ST3GAL3: variants seen among roughly 807,000 people sequenced by gnomAD.
ST3GAL3 encodes CMP-N-acetylneuraminate-beta-1,4-galactoside alpha-2,3-sialyltransferase.
ST3GAL3 carries 21 observed loss-of-function variants against 50.1 expected under a neutral mutation model. The ratio of observed to expected loss-of-function variants is 0.42; its 90% confidence interval spans 0.30 to 0.60. ST3GAL3 has a LOEUF of 0.60. Among genes scored for constraint, ST3GAL3 ranks in the 20% least tolerant of loss-of-function variants. ST3GAL3 has a pLI of 0.19. For synonymous variants in ST3GAL3, 183 were observed against 190.0 expected (o/e 0.96, Z 0.30); for missense variants, 353 against 489.4 (o/e 0.72, Z 2.63).
At chr1:43,823,658 T>A (rs1050702692) in intron 4 of ST3GAL3, among the ~76,000 whole-genome samples, 1 of 152,218 alleles carries the variant, frequency 6.6e-6, no homozygotes, top group Non-Finnish European at 1.5e-5. Flanking sequence ...TTGTTTATTG[T>A]CTGTCTCCAT....
At chr1:43,814,144 T>G (rs1317332769) in intron 3 of ST3GAL3, among the ~76,000 whole-genome samples, 1 of 152,136 alleles carries the variant, frequency 6.6e-6, no homozygotes, top group African/African-American at 2.4e-5. Flanking sequence ...TGGGGACAGA[T>G]CTGTAATCTT....
chr1:43,736,236 A>T lies in ST3GAL3; in HGVS notation c.-27A>T. 1.2e-6 allele frequency: 2 copies of T among 1,614,104 alleles called. No individual in the cohort carries two copies. The highest frequency in any genetic ancestry group is 1.7e-6 in the Non-Finnish European group (2 of 1,179,964). ...AACTAAACTTTTTCTTTTCTAGGTC[A>T]TTTAGGAAATCGTAAATCATGTGAA... is the stretch of plus-strand genomic sequence containing the variant. On this transcript the variant is annotated 5_prime_UTR_variant, in exon 2 of 12. Transcript: ENST00000347631.
chr1:43,767,295 C>T (rs962484390), intron 2 of ST3GAL3, among the ~76,000 whole-genome samples: 3 of 152,070 alleles, frequency 2.0e-5, no homozygotes, highest in African/African-American at 4.8e-5. Context: ...CAAGGCATGG[C>T]ATGAGTGAAA....
chr1:43,930,272 C>G lies in ST3GAL3; in HGVS notation c.*51C>G, dbSNP rs571047967. 3.7e-5 allele frequency: 57 copies of G among 1,541,148 alleles called. 1 individual carries two copies. In the South Asian group the frequency reaches 6.2e-4, roughly 17 times the overall value. ...GCCCAGGCACCACCAGGAGCAGCAGCCAGCACCACCTACACAGGAGTCTTC... is the reference window on the plus strand; with the variant it reads ...GCCCAGGCACCACCAGGAGCAGCAGGCAGCACCACCTACACAGGAGTCTTC... On this transcript the variant is annotated 3_prime_UTR_variant, in exon 12 of 12. Transcript: ENST00000347631.
chr1:43,888,585 A>G (rs1020640549), intron 5 of ST3GAL3, among the ~76,000 whole-genome samples: 1 of 152,184 alleles, frequency 6.6e-6, no homozygotes, highest in Non-Finnish European at 1.5e-5. Context: ...AGAAGAAAAA[A>G]ACAATACCTA....
chr1:43,870,759 G>A (rs966021936), intron 5 of ST3GAL3, among the ~76,000 whole-genome samples: 1 of 152,102 alleles, frequency 6.6e-6, no homozygotes, highest in Non-Finnish European at 1.5e-5. Context: ...GAAGCTAGGG[G>A]GAGACATGGC....
At chr1:43,904,936 C>T (rs1286757171) in intron 9 of ST3GAL3, among the ~76,000 whole-genome samples, 1 of 410 alleles carries the variant, frequency 2.4e-3, no homozygotes, top group African/African-American at 0.015. Context: ...TCTTCCTCCC[C>T]TTCCTCCTTT....
intron 5 of ST3GAL3, chr1:43,850,859 G>C (rs1041104500): frequency 8.0e-7 from 1 of 1,242,430 alleles, no homozygotes; most frequent in Admixed American, 1.7e-5. Flanking sequence ...GAAGGCCAGG[G>C]AACACAGCAG....
chr1:43,766,716 C>T (rs1693169188), intron 2 of ST3GAL3, among the ~76,000 whole-genome samples: 1 of 152,040 alleles, frequency 6.6e-6, no homozygotes. Flanking sequence ...AGGCTTCTAC[C>T]CTTAATGGAA....
intron 9 of ST3GAL3, chr1:43,919,734 C>T: frequency 6.5e-6 from 1 of 153,862 alleles, no homozygotes; most frequent in Non-Finnish European, 1.4e-5. Context: ...AAGCTGTGCC[C>T]CAGAATGGAC....
intron 5 of ST3GAL3, among the ~76,000 whole-genome samples, chr1:43,876,746 G>A (rs2074188562): frequency 6.6e-6 from 1 of 152,194 alleles, no homozygotes; most frequent in Admixed American, 6.5e-5. Flanking sequence ...CATTGCATGT[G>A]GATGGACGAA....
intron 5 of ST3GAL3, chr1:43,841,378 G>C (rs2065348770): frequency 6.6e-6 from 1 of 152,256 alleles, no homozygotes; most frequent in African/African-American, 2.4e-5. Context: ...GGGAAGCCAA[G>C]CTTTTCCATA....
intron 5 of ST3GAL3, among the ~76,000 whole-genome samples, chr1:43,855,438 C>G (rs1004437135): frequency 1.1e-4 from 17 of 152,176 alleles, no homozygotes; most frequent in African/African-American, 4.1e-4. Flanking sequence ...GGCGAAACCC[C>G]ATTTATACTA....
intron 1 of ST3GAL3, chr1:43,716,503 C>A (rs573796298): frequency 3.9e-5 from 6 of 152,064 alleles, no homozygotes; most frequent in Non-Finnish European, 8.8e-5. Context: ...AAAATTGGAA[C>A]GATACAGAGA....
intron 3 of ST3GAL3, among the ~76,000 whole-genome samples, chr1:43,812,320 C>G (rs1022984900): frequency 2.0e-5 from 3 of 152,198 alleles, no homozygotes; most frequent in African/African-American, 7.2e-5. Flanking sequence ...TGGTGGGAGC[C>G]GCCCTTCAGC....
At chr1:43,767,626 G>T (rs903382809) in intron 2 of ST3GAL3, among the ~76,000 whole-genome samples, 6 of 145,946 alleles carry the variant, frequency 4.1e-5, no homozygotes, top group African/African-American at 1.5e-4. Flanking sequence ...AAAAAATCAT[G>T]GGAAGTAGAA....
Position 43,851,289 on chromosome 1 carries a change from G to C in ST3GAL3, c.302+12978G>C, listed in dbSNP as rs1158651104. On this transcript the variant is annotated intron_variant, in intron 5 of 11. Transcript: ENST00000347631. ...TTCTTCTTGTCTGTCATGAACCCGTGGGTCAGGTGACCCCCATCTGGCAGG... is the reference window on the plus strand; with the variant it reads ...TTCTTCTTGTCTGTCATGAACCCGTCGGTCAGGTGACCCCCATCTGGCAGG... 6 of 1,570,980 alleles carry C rather than the reference G, an allele frequency of 3.8e-6. No homozygotes were observed. The African/African-American group carries it at 5.4e-5, about 14-fold the overall frequency.
At chr1:43,803,789 T>C (rs922611016) in intron 3 of ST3GAL3, among the ~76,000 whole-genome samples, 44 of 152,356 alleles carry the variant, frequency 2.9e-4, no homozygotes, top group African/African-American at 9.6e-4. Context: ...AAAAGCACTT[T>C]GTGCATTCAC....
At chr1:43,895,685 A>G (rs377481536) in intron 6 of ST3GAL3, among the ~76,000 whole-genome samples, 1 of 152,228 alleles carries the variant, frequency 6.6e-6, no homozygotes, top group South Asian at 2.1e-4. Context: ...AGTGGCAAGG[A>G]AAAACACTGT....
Sources: allele counts gnomAD v4.1 joint callset (sites outside exome capture counted in the v4.1 genomes callset), GRCh38; gene constraint gnomAD v4.1.1; transcripts MANE v1.5; gene names NCBI Gene and HGNC (gene_info 2026-07-23, HGNC 2026-07-21).